Variants in DGLUCY observed in about 807,000 individuals in gnomAD.
DGLUCY encodes the protein D-glutamate cyclase, also known as D-glutamate cyclase, mitochondrial.
DGLUCY carries 58 observed loss-of-function variants against 58.5 expected under a neutral mutation model. The ratio of observed to expected loss-of-function variants is 0.99; its 90% CI spans 0.80 to 1.23. The LOEUF is 1.23. Among genes scored for constraint, DGLUCY ranks in the 50% most tolerant of loss-of-function variants. The pLI is 0.00. For missense variants in DGLUCY, 779 were observed against 784.7 expected, an observed-to-expected ratio of 0.99 and a Z score of 0.09; for synonymous variants, 325 against 314.1, an observed-to-expected ratio of 1.03 and a Z score of -0.37.
At chr14:91,167,521 C>G in intron 4 of DGLUCY, 143 bp downstream of exon 4, 1 of 1,087,052 alleles carries the variant, frequency 9.2e-7, no homozygotes, top group Non-Finnish European at 1.4e-6. Context: ...GACTGTTGCT[C>G]AGGAACGAGC....
intron 8 of DGLUCY, 60 bp from the exon 9 acceptor site, chr14:91,188,850 C>T: frequency 2.7e-6 from 4 of 1,505,048 alleles, no homozygotes; most frequent in African/African-American, 1.4e-5. Flanking sequence ...TACATACATA[C>T]ATACATACAA....
intron 8 of DGLUCY, among the ~76,000 whole-genome samples, chr14:91,183,708 A>G (rs898231251): frequency 1.3e-5 from 2 of 152,168 alleles, no homozygotes; most frequent in African/African-American, 2.4e-5. Flanking sequence ...TGAGGCAGAT[A>G]AGGTACAAAG....
At chr14:91,221,091 C>T (rs187667163) in intron 13 of DGLUCY, among the ~76,000 whole-genome samples, 24 of 152,312 alleles carry the variant, frequency 1.6e-4, no homozygotes, top group Non-Finnish European at 2.8e-4. Context: ...GGGCTCTGGC[C>T]AGGCTCCCAG....
intron 12 of DGLUCY, among the ~76,000 whole-genome samples, chr14:91,205,156 G>C (rs1003358652): frequency 2.0e-5 from 3 of 152,232 alleles, no homozygotes; most frequent in African/African-American, 4.8e-5. Context: ...GGGGGCGATA[G>C]TACAGGTCGC....
intron 1 of DGLUCY, among the ~76,000 whole-genome samples, chr14:91,089,849 T>A (rs1346850440): frequency 6.6e-6 from 1 of 150,596 alleles, no homozygotes; most frequent in Non-Finnish European, 1.5e-5. Context: ...AAAAGGGTCA[T>A]CTACTATGTA....
chr14:91,108,557 G>C (rs932469460), intron 1 of DGLUCY, among the ~76,000 whole-genome samples: 84 of 149,248 alleles, frequency 5.6e-4, no homozygotes, highest in African/African-American at 2.1e-3. Flanking sequence ...GAGAGAGAGA[G>C]AGACAGAGTT....
chr14:91,196,187 T>C (rs2050194642), intron 9 of DGLUCY, among the ~76,000 whole-genome samples, 188 bp from the exon 10 acceptor site: 1 of 152,182 alleles, frequency 6.6e-6, no homozygotes, highest in South Asian at 2.1e-4. Flanking sequence ...CCCTAGAGTT[T>C]ACCCAGGACC....
At chr14:91,202,252 T>C (rs1451240726) in intron 11 of DGLUCY, among the ~76,000 whole-genome samples, 1 of 152,036 alleles carries the variant, frequency 6.6e-6, no homozygotes, top group Non-Finnish European at 1.5e-5. Context: ...AGGAGTAGAC[T>C]GCAGACTCCT....
At position 91,190,188 on chromosome 14, in the gene DGLUCY, C is replaced by T. The variant is rs7142981; in HGVS notation, c.1195+1018C>T. Among the ~76,000 whole-genome samples the T allele has an allele frequency of 9.7e-3, 1,464 of 151,614 alleles. 23 individuals are homozygous for T. The highest frequency in any genetic ancestry group is 0.033 in the African/African-American group (1,376 of 41,348). ...ATTTTTAGTAGAGACGGGGTTTCAC[C>T]GTGTTAGCCAGGATGGTCTCGATCT... On this transcript the variant is annotated intron_variant, in intron 9 of 13. Coordinates refer to ENST00000256324, the MANE Select transcript of DGLUCY (RefSeq NM_001102368.3).
At chr14:91,083,260 G>A (rs774647297) in intron 1 of DGLUCY, among the ~76,000 whole-genome samples, 7 of 152,138 alleles carry the variant, frequency 4.6e-5, no homozygotes, top group Non-Finnish European at 8.8e-5. Flanking sequence ...AGTGGCTCAC[G>A]TCTGTAATCC....
upstream of DGLUCY, among the ~76,000 whole-genome samples, chr14:91,113,338 G>A (rs945814582): frequency 1.3e-5 from 2 of 152,094 alleles, no homozygotes; most frequent in Non-Finnish European, 2.9e-5. Context: ...AAGAATTTTC[G>A]ACTGCACGAG....
chr14:91,164,329 A>G lies in DGLUCY; in HGVS notation c.104-2896A>G, dbSNP rs139302159. Among the ~76,000 whole-genome samples the G allele has an allele frequency of 6.6e-3, 998 of 152,326 alleles. 16 individuals carry two copies. Among genetic ancestry groups the G allele is most frequent in the Admixed American group, 0.02 (301 of 15,298 alleles). On this transcript the variant is annotated intron_variant, in intron 3 of 13. Transcript: ENST00000256324. ...GAAAAGCACAGAGAAGCAAATGACA[A>G]GTATGCACAGCTCTGTCACCTGGAG... is the stretch of plus-strand genomic sequence containing the variant.
chr14:91,160,809 A>G (rs1453537154), intron 3 of DGLUCY, among the ~76,000 whole-genome samples: 1 of 152,210 alleles, frequency 6.6e-6, no homozygotes, highest in African/African-American at 2.4e-5. Context: ...CCATTTCCCT[A>G]CTGTCTCCTG....
At chr14:91,099,887 T>C (rs2044456201) in intron 1 of DGLUCY, among the ~76,000 whole-genome samples, 1 of 151,604 alleles carries the variant, frequency 6.6e-6, no homozygotes. Flanking sequence ...ACTAGAAAAT[T>C]AGATGGTTTC....
At chr14:91,201,922 G>A (rs1183068412) in intron 11 of DGLUCY, among the ~76,000 whole-genome samples, 1 of 151,930 alleles carries the variant, frequency 6.6e-6, no homozygotes, top group Non-Finnish European at 1.5e-5. Flanking sequence ...AGGCATGGTG[G>A]TGGGCTCCTG....
At chr14:91,219,453 T>C (rs1887107025) in intron 13 of DGLUCY, among the ~76,000 whole-genome samples, 1 of 152,236 alleles carries the variant, frequency 6.6e-6, no homozygotes, top group African/African-American at 2.4e-5. Flanking sequence ...TGCAGGTCAC[T>C]ACGTGGGGGT....
At chr14:91,115,437 A>G (rs2044870244) in intron 1 of DGLUCY, among the ~76,000 whole-genome samples, 1 of 151,920 alleles carries the variant, frequency 6.6e-6, no homozygotes. Flanking sequence ...TCCCCCCTTC[A>G]TTTTGAGACG....
intron 1 of DGLUCY, among the ~76,000 whole-genome samples, chr14:91,121,582 G>A (rs557414994): frequency 6.7e-6 from 1 of 149,454 alleles, no homozygotes; most frequent in South Asian, 2.1e-4. Flanking sequence ...ACTCCAGCCT[G>A]GGTGACAGAG....
At chr14:91,122,555 T>C (rs1179952499) in intron 1 of DGLUCY, among the ~76,000 whole-genome samples, 1 of 151,918 alleles carries the variant, frequency 6.6e-6, no homozygotes, top group Non-Finnish European at 1.5e-5. Context: ...TTAAAATGAT[T>C]AAGATGGTCA....
Sources: gnomAD v4.1 joint callset for allele counts (sites outside exome capture counted in the v4.1 genomes callset) on GRCh38, gnomAD v4.1.1 for gene constraint, MANE v1.5 for transcripts, NCBI Gene and HGNC (gene_info 2026-07-23, HGNC 2026-07-21) for gene names.